The following GABRB1 variants were observed in gnomAD, a reference collection of about 807,000 sequenced individuals.
GABRB1 encodes gamma-aminobutyric acid type A receptor subunit beta1.
A neutral mutation model predicts 51.6 loss-of-function variants in GABRB1; 17 were observed. The observed-to-expected ratio is 0.33, with a 90% confidence interval of 0.23 to 0.49. The LOEUF (loss-of-function observed/expected upper bound fraction) is 0.49. GABRB1 is among the 20% of genes least tolerant of loss of function. GABRB1 has a pLI of 0.99. For missense variants in GABRB1, 410 were observed against 600.6 expected, an observed-to-expected ratio of 0.68 and a Z score of 3.32; for synonymous variants, 247 against 218.9, an observed-to-expected ratio of 1.13 and a Z score of -1.14.
At chr4:47,019,636 T>C (rs1724856965) in intron 1 of GABRB1, among the ~76,000 whole-genome samples, 1 of 125,408 alleles carries the variant, frequency 8.0e-6, no homozygotes, top group Non-Finnish European at 1.6e-5. Flanking sequence ...TCTTTCTTTC[T>C]TTCTTTCTTT....
chr4:47,298,598 G>C (rs376513867), intron 4 of GABRB1, among the ~76,000 whole-genome samples: 3 of 152,020 alleles, frequency 2.0e-5, no homozygotes, highest in Admixed American at 6.6e-5. Flanking sequence ...AGGATACAAA[G>C]AAATGGAAGA....
chr4:47,119,385 A>T (rs1250659689), intron 3 of GABRB1, among the ~76,000 whole-genome samples: 1 of 152,170 alleles, frequency 6.6e-6, no homozygotes, highest in Non-Finnish European at 1.5e-5. Flanking sequence ...AGATACAAAA[A>T]TAAAGACATA....
intron 3 of GABRB1, among the ~76,000 whole-genome samples, chr4:47,127,060 A>G (rs1244597524): frequency 6.6e-6 from 1 of 151,914 alleles, no homozygotes; most frequent in Non-Finnish European, 1.5e-5. Context: ...TATTTTTAAG[A>G]ATTATAAAAT....
chr4:47,010,543 G>A (rs1030201146), intron 1 of GABRB1, among the ~76,000 whole-genome samples: 6 of 152,298 alleles, frequency 3.9e-5, no homozygotes, highest in Admixed American at 3.9e-4. Flanking sequence ...GCAATGCAGA[G>A]CTTACTTTAT....
chr4:47,150,182 AACACACACACACACACACAC>A (rs36209473), intron 3 of GABRB1, among the ~76,000 whole-genome samples: 1 of 141,510 alleles, frequency 7.1e-6, no homozygotes, highest in South Asian at 2.3e-4. Flanking sequence ...ACACACACAC[AACACACACACACACACACAC>A]ACACACACAC....
intron 5 of GABRB1, among the ~76,000 whole-genome samples, chr4:47,380,139 A>G (rs556676530): frequency 2.1e-4 from 32 of 152,310 alleles, no homozygotes; most frequent in Admixed American, 8.5e-4. Context: ...TGTTGTATAT[A>G]TTCTTAATAT....
chr4:47,039,716 T>C (rs886480815), intron 3 of GABRB1, among the ~76,000 whole-genome samples: 6 of 152,182 alleles, frequency 3.9e-5, no homozygotes, highest in Non-Finnish European at 5.9e-5. Context: ...ATTTGCAGCC[T>C]ATATACATTT....
chr4:47,189,969 G>A (rs1719366946), intron 4 of GABRB1, among the ~76,000 whole-genome samples: 1 of 151,974 alleles, frequency 6.6e-6, no homozygotes, highest in Admixed American at 6.6e-5. Flanking sequence ...ATCTTTTTAT[G>A]ATGTGGCTCT....
intron 5 of GABRB1, among the ~76,000 whole-genome samples, chr4:47,369,759 T>C (rs1209447927): frequency 1.3e-5 from 2 of 152,100 alleles, no homozygotes; most frequent in East Asian, 3.9e-4. Context: ...CCTAATCTTG[T>C]CCCCTTCTAA....
chr4:47,103,184 A>G (rs1714794423), intron 3 of GABRB1, among the ~76,000 whole-genome samples: 1 of 152,048 alleles, frequency 6.6e-6, no homozygotes, highest in African/African-American at 2.4e-5. Context: ...TAAAGCAAAT[A>G]TTTTATATAA....
At chr4:47,203,379 C>T (rs1490644535) in intron 4 of GABRB1, among the ~76,000 whole-genome samples, 2 of 106,106 alleles carry the variant, frequency 1.9e-5, no homozygotes, top group South Asian at 3.8e-4. Flanking sequence ...ACTGCTGCTA[C>T]CTAAATATGA....
intron 3 of GABRB1, among the ~76,000 whole-genome samples, chr4:47,088,182 T>A (rs1728155673): frequency 6.6e-6 from 1 of 152,192 alleles, no homozygotes; most frequent in Non-Finnish European, 1.5e-5. Flanking sequence ...GCATTAGAAT[T>A]CATTTGACAA....
chr4:47,229,463 G>A (rs577209101), intron 4 of GABRB1, among the ~76,000 whole-genome samples: 9 of 152,192 alleles, frequency 5.9e-5, no homozygotes, highest in South Asian at 2.1e-4. Context: ...GTAAGAAAAC[G>A]AGTGTATCCA....
intron 3 of GABRB1, among the ~76,000 whole-genome samples, chr4:47,037,499 G>C (rs1484517076): frequency 1.3e-5 from 2 of 151,054 alleles, no homozygotes; most frequent in Non-Finnish European, 2.9e-5. Flanking sequence ...CCCTTTGCCT[G>C]TCTGTTTGGA....
intron 5 of GABRB1, among the ~76,000 whole-genome samples, chr4:47,351,566 C>G (rs1281091362): frequency 7.2e-5 from 9 of 124,680 alleles, no homozygotes; most frequent in Non-Finnish European, 1.0e-4. Context: ...CCCCTCCCCC[C>G]ACCCCACAAC....
Position 47,426,169 on chromosome 4 carries a change from C to G in GABRB1, c.*151C>G, listed in dbSNP as rs763675411. 3.7e-4 allele frequency: 208 copies of G among 557,260 alleles called. No homozygotes were observed. The highest frequency in any genetic ancestry group is 5.7e-4 in the Non-Finnish European group (189 of 330,890). The allele number at this position is 557,260 out of a possible 1,614,324, so 34.5% of individuals were successfully genotyped here. A position where few individuals can be genotyped will look rare whatever the true frequency, so the allele number is the denominator to read the frequency against. Reference sequence around the variant, plus strand: ...CTTGCATATCAGTTTTATTACTGCACCATGTTTACTTCAAAAAGACAAAAC... The same window carrying G: ...CTTGCATATCAGTTTTATTACTGCAGCATGTTTACTTCAAAAAGACAAAAC... On this transcript the variant is annotated 3_prime_UTR_variant, in exon 9 of 9. Coordinates refer to ENST00000295454, the MANE Select transcript of GABRB1 (RefSeq NM_000812.4).
intron 5 of GABRB1, among the ~76,000 whole-genome samples, chr4:47,326,805 T>C (rs890082645): frequency 6.6e-6 from 1 of 152,186 alleles, no homozygotes; most frequent in African/African-American, 2.4e-5. Flanking sequence ...ATGGCTGTTA[T>C]TCATAAATTA....
At chr4:47,258,103 A>C (rs1289604291) in intron 4 of GABRB1, among the ~76,000 whole-genome samples, 2 of 152,026 alleles carry the variant, frequency 1.3e-5, no homozygotes, top group African/African-American at 4.8e-5. Flanking sequence ...TGTCATGTTC[A>C]CCTCCTCTTC....
At chr4:47,400,771 T>C (rs892200647) in intron 5 of GABRB1, among the ~76,000 whole-genome samples, 5 of 152,160 alleles carry the variant, frequency 3.3e-5, no homozygotes, top group Admixed American at 6.5e-5. Context: ...CCACTGTGTA[T>C]GCCTTTGCCT....
Sources: gnomAD v4.1 joint callset for allele counts (sites outside exome capture counted in the v4.1 genomes callset) on GRCh38, gnomAD v4.1.1 for gene constraint, MANE v1.5 for transcripts, NCBI Gene and HGNC (gene_info 2026-07-23, HGNC 2026-07-21) for gene names.